ZNF362: variants seen among roughly 807,000 people sequenced by gnomAD.
ZNF362 encodes zinc finger protein 362, also known as rotund homolog.
Under a neutral mutation model 42.9 loss-of-function variants are expected in ZNF362, and 11 were observed. The ratio of observed to expected loss-of-function variants is 0.26; its 90% CI spans 0.16 to 0.42. The LOEUF is 0.42. Among genes scored for constraint, ZNF362 ranks in the 20% least tolerant of loss-of-function variants. The probability of loss-of-function intolerance (pLI) is 1.00; values close to 1 mark genes in which losing one functional copy is unlikely to be tolerated. For synonymous variants in ZNF362, 255 were observed against 257.3 expected, an observed-to-expected ratio of 0.99 and a Z score of 0.09; for missense variants, 362 against 576.2, an observed-to-expected ratio of 0.63 and a Z score of 3.81.
Position 33,280,184 on chromosome 1 carries a change from G to A in ZNF362, c.410G>A (p.Gly137Asp), listed in dbSNP as rs1369751922. 9 of 1,612,368 alleles carry A rather than the reference G, an allele frequency of 5.6e-6. No homozygotes were observed. The Admixed American group carries it at 1.2e-4, about 21-fold the overall frequency. Residue 137 changes from glycine (G) to aspartate (D), a missense_variant, in exon 5 of 9, where the codon GGC becomes GAC. This residue lies in a region of ZNF362 where 266 missense variants were observed against 365.4 expected (regional missense o/e 0.73). Transcript: ENST00000539719. This position sits in a 1 kb window ranked among gnomAD's most constrained non-coding sequence, Gnocchi z 5.6. ...VSTSESSAGAGTGTGTSTPST... is the reference protein window; with the variant it reads ...VSTSESSAGADTGTGTSTPST... ...ACTTCTGAGTCAAGCGCGGGCGCGG[G>A]CACGGGCACGGGTACCAGCACCCCG...
At chr1:33,229,903 A>C in the ZNF362 span, among the ~76,000 whole-genome samples, 1 of 152,202 alleles carries the variant, frequency 6.6e-6, no homozygotes, top group Non-Finnish European at 1.5e-5. Flanking sequence ...ATATAAAAGT[A>C]ATACATGTTG....
At chr1:33,237,332 C>G in the ZNF362 span, among the ~76,000 whole-genome samples, 3 of 152,062 alleles carry the variant, frequency 2.0e-5, no homozygotes, top group African/African-American at 2.4e-5. Context: ...TTGTTAAGAG[C>G]AGACTGACCA....
the ZNF362 span, among the ~76,000 whole-genome samples, chr1:33,215,030 A>G: frequency 2.0e-5 from 3 of 152,372 alleles, no homozygotes; most frequent in East Asian, 5.8e-4. Flanking sequence ...TGTATTGATT[A>G]GATATCTGCG....
chr1:33,265,485 A>T (rs1018905378), intron 1 of ZNF362, among the ~76,000 whole-genome samples: 5 of 151,874 alleles, frequency 3.3e-5, no homozygotes, highest in Non-Finnish European at 7.4e-5. Flanking sequence ...TGGATCCAGG[A>T]CCCTGGGAGC....
At chr1:33,289,701 A>C (rs1026800584) in intron 6 of ZNF362, among the ~76,000 whole-genome samples, 1 of 152,194 alleles carries the variant, frequency 6.6e-6, no homozygotes, top group African/African-American at 2.4e-5. Context: ...GCTTTCCTTC[A>C]TTCAGTCTGT....
At chr1:33,292,273 A>T (rs1646084048) in intron 6 of ZNF362, among the ~76,000 whole-genome samples, 1 of 152,372 alleles carries the variant, frequency 6.6e-6, no homozygotes, top group South Asian at 2.1e-4. Flanking sequence ...AGATTTTAGC[A>T]ACAAGGGCTG....
chr1:33,229,645 T>C, the ZNF362 span, among the ~76,000 whole-genome samples: 1 of 152,028 alleles, frequency 6.6e-6, no homozygotes, highest in Non-Finnish European at 1.5e-5. Context: ...GACCTGGTGA[T>C]CTGCCTGTCT....
At chr1:33,174,322 C>T in the ZNF362 span, among the ~76,000 whole-genome samples, 1 of 152,148 alleles carries the variant, frequency 6.6e-6, no homozygotes, top group Non-Finnish European at 1.5e-5. Flanking sequence ...GCTGGGACTA[C>T]AGGTGCATGA....
the ZNF362 span, among the ~76,000 whole-genome samples, chr1:33,211,564 C>A: frequency 1.3e-5 from 2 of 152,120 alleles, no homozygotes; most frequent in African/African-American, 4.8e-5. Flanking sequence ...GAATATTGAC[C>A]CCCACTCTCT....
the ZNF362 span, among the ~76,000 whole-genome samples, chr1:33,192,457 C>T: frequency 5.3e-5 from 8 of 152,118 alleles, no homozygotes; most frequent in Non-Finnish European, 7.4e-5. Flanking sequence ...AGATACAGAC[C>T]GCCACACAAA....
intron 2 of ZNF362, chr1:33,275,479 C>A: frequency 1.3e-6 from 1 of 762,474 alleles, no homozygotes; most frequent in Non-Finnish European, 1.6e-6. Context: ...AACAACCACA[C>A]GTGGCCTGTT....
chr1:33,162,695 G>A, the ZNF362 span, among the ~76,000 whole-genome samples: 2 of 152,166 alleles, frequency 1.3e-5, no homozygotes, highest in Non-Finnish European at 2.9e-5. Context: ...GGAGGGAAAG[G>A]GGGGAAGGCA....
chr1:33,141,698 T>C, the ZNF362 span, among the ~76,000 whole-genome samples: 24 of 152,126 alleles, frequency 1.6e-4, no homozygotes, highest in Non-Finnish European at 3.1e-4. Flanking sequence ...CATTTTGTAA[T>C]AGAAATATGA....
intron 2 of ZNF362, among the ~76,000 whole-genome samples, chr1:33,271,290 G>A (rs1394395610): frequency 1.3e-5 from 2 of 152,172 alleles, no homozygotes; most frequent in Non-Finnish European, 2.9e-5. Context: ...TGGGCTCCTC[G>A]CCTGGGGGGC....
chr1:33,199,724 G>A, the ZNF362 span: 1 of 152,214 alleles, frequency 6.6e-6, no homozygotes, highest in Non-Finnish European at 1.5e-5. Context: ...ATAAGTAAAA[G>A]TAAAATATCT....
At chr1:33,271,222 C>T (rs1359418064) in intron 2 of ZNF362, among the ~76,000 whole-genome samples, 1 of 152,224 alleles carries the variant, frequency 6.6e-6, no homozygotes, top group Non-Finnish European at 1.5e-5. Flanking sequence ...CTGCTGGCTC[C>T]AGCCTCATCT....
the ZNF362 span, among the ~76,000 whole-genome samples, chr1:33,183,558 TG>T: frequency 6.6e-6 from 1 of 151,310 alleles, no homozygotes; most frequent in African/African-American, 2.4e-5. Context: ...TCCATTATGG[TG>T]GTCTCATGGA....
chr1:33,224,291 C>T, the ZNF362 span, among the ~76,000 whole-genome samples: 7 of 152,236 alleles, frequency 4.6e-5, no homozygotes, highest in Non-Finnish European at 8.8e-5. Context: ...AAAAGTGTAG[C>T]AGTTGAAATA....
the ZNF362 span, among the ~76,000 whole-genome samples, chr1:33,187,908 C>G: frequency 6.6e-6 from 1 of 152,172 alleles, no homozygotes; most frequent in African/African-American, 2.4e-5. Context: ...GGATGTAGCA[C>G]CCTTACAATA....
Sources: allele counts gnomAD v4.1 joint callset (sites outside exome capture counted in the v4.1 genomes callset), GRCh38; gene constraint gnomAD v4.1.1; regional missense constraint gnomAD v4.1.1; non-coding constraint Gnocchi (gnomAD v3.1); transcripts MANE v1.5; gene names NCBI Gene and HGNC (gene_info 2026-07-23, HGNC 2026-07-21).